PCDHGA7: variants seen among roughly 807,000 people sequenced by gnomAD.
PCDHGA7 encodes protocadherin gamma subfamily A, 7.
In PCDHGA7, 44 loss-of-function variants were observed where a neutral mutation model predicts 58.3. That is an observed-to-expected ratio of 0.75 (90% CI 0.59 to 0.97). The LOEUF (loss-of-function observed/expected upper bound fraction) is 0.97. Ranked by LOEUF, PCDHGA7 falls within the 50% of genes least tolerant of loss-of-function variation. PCDHGA7 has a pLI of 0.00. For synonymous variants in PCDHGA7, 516 were observed against 504.2 expected (o/e 1.02, Z -0.31); for missense variants, 1,266 against 1,188.7 (o/e 1.06, Z -0.96).
At chr5:141,430,021 T>C (rs2097257368) in intron 1 of PCDHGA7, among the ~76,000 whole-genome samples, 1 of 152,226 alleles carries the variant, frequency 6.6e-6, no homozygotes, top group Admixed American at 6.5e-5. Context: ...TGGGTTCTTG[T>C]TAAGTGTGAT....
At chr5:141,399,684 G>T in intron 1 of PCDHGA7, 1 of 1,613,538 alleles carries the variant, frequency 6.2e-7, no homozygotes, top group Non-Finnish European at 8.5e-7. Context: ...TTGACTACGA[G>T]CAGCTGCGCA....
chr5:141,438,625 TATATATATATACACAC>T (rs1232816129), intron 1 of PCDHGA7, among the ~76,000 whole-genome samples: 1,472 of 46,190 alleles, frequency 0.032, 16 homozygotes, highest in African/African-American at 0.13. Context: ...TATATATATA[TATATATATATACACAC>T]ACACACACAC....
chr5:141,511,041 C>T lies in PCDHGA7; in HGVS notation c.2667C>T (p.Pro889=), dbSNP rs1421629777. 1.5e-5 allele frequency: 24 copies of T among 1,614,076 alleles called. No individual in the cohort carries two copies. The highest frequency in any genetic ancestry group is 5.5e-5 in the South Asian group (5 of 91,092). Residue 889 remains proline, a synonymous_variant, in exon 4 of 4, where the codon CCC becomes CCT. Transcript: ENST00000518325. The part of the protein sequence containing the change: ...YGPQFTLQHV[P]DYRQNVYIPG... ...CCCAGTTCACCCTGCAGCACGTGCCCGACTACCGCCAGAATGTCTACATCC... is the reference window on the plus strand; with the variant it reads ...CCCAGTTCACCCTGCAGCACGTGCCTGACTACCGCCAGAATGTCTACATCC...
At position 141,395,074 on chromosome 5, in the gene PCDHGA7, C is replaced by T. The variant is rs368699767; in HGVS notation, c.2424+9751C>T. The T allele has an allele frequency of 3.9e-5, 63 of 1,614,048 alleles. No homozygotes were observed. The African/African-American group carries it at 6.0e-4, about 15-fold the overall frequency. Reference sequence around the variant, plus strand: ...GTACAGGCTTTCCTGCAGACCTATTCCCAGGAAGTCTCCCTCACCGCCGAC... The same window carrying T: ...GTACAGGCTTTCCTGCAGACCTATTTCCAGGAAGTCTCCCTCACCGCCGAC... On this transcript the variant is annotated intron_variant, in intron 1 of 3. Transcript: ENST00000518325.
intron 1 of PCDHGA7, chr5:141,442,166 A>G (rs2098306007): frequency 6.4e-6 from 1 of 156,354 alleles, no homozygotes; most frequent in Non-Finnish European, 1.4e-5. Flanking sequence ...TCACTCTGCA[A>G]AGCTACAGCC....
At chr5:141,388,376 C>A in intron 1 of PCDHGA7, 1 of 1,613,944 alleles carries the variant, frequency 6.2e-7, no homozygotes, top group Non-Finnish European at 8.5e-7. Context: ...ATATTGGTAG[C>A]AACACACTGC....
Position 141,463,438 on chromosome 5 carries a change from CTTTTTTTTT to C in PCDHGA7, c.2425-31349_2425-31341del, listed in dbSNP as rs71576115. 5.5e-3 allele frequency among the ~76,000 whole-genome samples: 572 copies of C among 103,208 alleles called. 4 individuals carry two copies. The highest frequency in any genetic ancestry group is 8.7e-3 in the Non-Finnish European group (462 of 53,292). The allele number at this position is 103,208 out of a possible 152,430, so 67.7% of individuals were successfully genotyped here. On this transcript the variant is annotated intron_variant, in intron 1 of 3. Transcript: ENST00000518325. ...GTTTGCGGATCCTCATTTCCTTCTC[CTTTTTTTTT>C]TTTTTTTTTTTTTTTTTTTGAGATG...
At position 141,473,628 on chromosome 5, in the gene PCDHGA7, A is replaced by T. The variant is rs533175704; in HGVS notation, c.2425-21179A>T. The stretch of plus-strand genomic sequence containing the variant: ...AAAGCAAAGGGAGGGAGGAAAAAGC[A>T]GCTTTCCTGGCAAAGGAACAATTTG... On this transcript the variant is annotated intron_variant, in intron 1 of 3. Transcript: ENST00000518325. 4.6e-5 allele frequency among the ~76,000 whole-genome samples: 7 copies of T among 152,334 alleles called. No individual in the cohort carries two copies. In the South Asian group the frequency reaches 1.4e-3, roughly 32 times the overall value.
At chr5:141,415,701 T>C in intron 1 of PCDHGA7, 2 of 1,506,520 alleles carry the variant, frequency 1.3e-6, no homozygotes, top group Non-Finnish European at 1.8e-6. Context: ...AAAGTGTAAA[T>C]GCTAAAACAC....
At chr5:141,388,860 A>T (rs781769294) in intron 1 of PCDHGA7, 2 of 1,613,902 alleles carry the variant, frequency 1.2e-6, no homozygotes, top group South Asian at 2.2e-5. Flanking sequence ...TGGAGGAATG[A>T]TTGCGCAATG....
intron 1 of PCDHGA7, chr5:141,390,422 G>A: frequency 9.3e-7 from 1 of 1,071,928 alleles, no homozygotes; most frequent in South Asian, 1.6e-5. Flanking sequence ...CAGTTAAAAA[G>A]CTGTCATATC....
At chr5:141,388,972 A>G in intron 1 of PCDHGA7, 1 of 1,614,008 alleles carries the variant, frequency 6.2e-7, no homozygotes, top group Non-Finnish European at 8.5e-7. Context: ...CTGGGAACAC[A>G]TATTGCTTTG....
chr5:141,413,575 G>A lies in PCDHGA7; in HGVS notation c.2424+28252G>A, dbSNP rs762938003. The stretch of plus-strand genomic sequence containing the variant: ...AGAAGTAACTGATATCAATGACAAT[G>A]CTCCAAAATTCCAAGCAGAAAATCT... On this transcript the variant is annotated intron_variant, in intron 1 of 3. Transcript: ENST00000518325. 4.3e-6 allele frequency: 7 copies of A among 1,613,886 alleles called. No individual in the cohort carries two copies. In the South Asian group the frequency reaches 6.6e-5, roughly 15 times the overall value.
chr5:141,404,513 G>C, intron 1 of PCDHGA7: 2 of 1,613,786 alleles, frequency 1.2e-6, no homozygotes, highest in Non-Finnish European at 8.5e-7. Context: ...GTGCTCCTTT[G>C]ACTATGAGCA....
At chr5:141,495,278 C>A (rs2099760057) in intron 2 of PCDHGA7, among the ~76,000 whole-genome samples, 1 of 152,174 alleles carries the variant, frequency 6.6e-6, no homozygotes, top group Non-Finnish European at 1.5e-5. Context: ...CCGGAGGAGG[C>A]GGTCCGCACT....
intron 1 of PCDHGA7, chr5:141,427,807 A>C (rs1443881781): frequency 6.6e-7 from 1 of 1,522,050 alleles, no homozygotes; most frequent in South Asian, 1.1e-5. Flanking sequence ...GTGAGCGCAC[A>C]GAGCGGGGTG....
At chr5:141,499,168 C>T (rs1169979036) in intron 2 of PCDHGA7, among the ~76,000 whole-genome samples, 3 of 152,184 alleles carry the variant, frequency 2.0e-5, no homozygotes, top group African/African-American at 7.2e-5. Context: ...GTCTCAAGCT[C>T]TGAGCCCAGC....
At chr5:141,464,264 A>G (rs1357786078) in intron 1 of PCDHGA7, among the ~76,000 whole-genome samples, 2 of 130,598 alleles carry the variant, frequency 1.5e-5, no homozygotes, top group East Asian at 4.2e-4. Flanking sequence ...GACTCCGTCT[A>G]AAAAAAAAAA....
At position 141,487,641 on chromosome 5, in the gene PCDHGA7, T is replaced by C. The variant is rs1343702532; in HGVS notation, c.2425-7166T>C. The stretch of plus-strand genomic sequence containing the variant: ...GTGAGACCTTTGCAGGCTCAACAAA[T>C]GCTTGAGGGTTATTCTGATCCAGGC... On this transcript the variant is annotated intron_variant, in intron 1 of 3. Coordinates refer to ENST00000518325, the MANE Select transcript of PCDHGA7 (RefSeq NM_018920.4). The surrounding 1 kb of genome is among the most constrained non-coding windows in gnomAD (Gnocchi z 5.0). The C allele has an allele frequency of 6.2e-7, 1 of 1,614,122 alleles. No individual in the cohort carries two copies. Among genetic ancestry groups the C allele is most frequent in the Non-Finnish European group, 8.5e-7 (1 of 1,179,998 alleles).
Sources: allele counts gnomAD v4.1 joint callset (sites outside exome capture counted in the v4.1 genomes callset), GRCh38; gene constraint gnomAD v4.1.1; non-coding constraint Gnocchi (gnomAD v3.1); transcripts MANE v1.5; gene names NCBI Gene and HGNC (gene_info 2026-07-23, HGNC 2026-07-21).